Variants in SMARCB1 observed in about 807,000 individuals in gnomAD.
The protein encoded by SMARCB1 is SWI/SNF-related matrix-associated actin-dependent regulator of chromatin subfamily B member 1.
In SMARCB1, 5 loss-of-function variants were observed where a neutral mutation model predicts 49.0. The observed-to-expected ratio is 0.10, with a 90% CI of 0.05 to 0.21. The LOEUF is 0.21. SMARCB1 is among the 10% of genes least tolerant of loss of function. The pLI is 1.00. For synonymous variants in SMARCB1, 201 were observed against 200.1 expected (o/e 1.00, Z -0.04); for missense variants, 226 against 509.2 (o/e 0.44, Z 5.35).
intron 3 of SMARCB1, among the ~76,000 whole-genome samples, chr22:23,800,021 G>T (rs1005538587): frequency 2.7e-5 from 4 of 149,296 alleles, no homozygotes; most frequent in African/African-American, 5.0e-5. Context: ...TAGAGACAGG[G>T]TTTCACCATG....
intron 8 of SMARCB1, 30 bp from the exon 9 acceptor site, chr22:23,834,111 G>GACTCATTGCCCTCCCC (rs2030833563): frequency 6.4e-7 from 1 of 1,570,022 alleles, no homozygotes; most frequent in Non-Finnish European, 8.6e-7. Context: ...AGCTGGCCCC[G>GACTCATTGCCCTCCCC]ACTCATTGCC....
intron 5 of SMARCB1, among the ~76,000 whole-genome samples, chr22:23,809,429 A>C (rs1483711581): frequency 6.6e-6 from 1 of 151,788 alleles, no homozygotes; most frequent in Non-Finnish European, 1.5e-5. Flanking sequence ...GGCATGTGCC[A>C]CCATACCCGG....
At chr22:23,803,219 C>CAG in intron 4 of SMARCB1, 76 bp from the exon 5 acceptor site, 5 of 1,592,976 alleles carry the variant, frequency 3.1e-6, no homozygotes, top group Non-Finnish European at 4.3e-6. Flanking sequence ...GCCTGCTGTG[C>CAG]AGAGAGAGAG....
chr22:23,816,715 TCCA>T, intron 5 of SMARCB1, 52 bp from the exon 6 acceptor site: 1 of 1,516,510 alleles, frequency 6.6e-7, no homozygotes, highest in Non-Finnish European at 9.1e-7. Flanking sequence ...GGGAGGCCGG[TCCA>T]TGCCCAAGCA....
At chr22:23,832,941 G>A (rs979196178) in intron 7 of SMARCB1, among the ~76,000 whole-genome samples, 6 of 152,096 alleles carry the variant, frequency 3.9e-5, no homozygotes, top group South Asian at 4.1e-4. Context: ...AGTGTGGTCC[G>A]GGGATACGGC....
chr22:23,824,998 C>T lies in SMARCB1; in HGVS notation c.796-227C>T, dbSNP rs11704313. 77,442 of 595,138 alleles carry T rather than the reference C, an allele frequency of 0.13. 5,953 individuals carry two copies. Among genetic ancestry groups the T allele is most frequent in the South Asian group, 0.27 (13,749 of 50,994 alleles). 36.9% of individuals were successfully genotyped at this position (595,138 alleles called of 1,614,324 possible). A position where few individuals can be genotyped will look rare whatever the true frequency, so the allele number is the denominator to read the frequency against. ...GCCCCCGGGGTCACTTCAGGGCCTC[C>T]CGAGGGTGACTGTGCTGGGCCCTGA... On this transcript the variant is annotated intron_variant, in intron 6 of 8. Coordinates refer to ENST00000644036, the MANE Select transcript of SMARCB1 (RefSeq NM_003073.5).
In SMARCB1 at chr22:23,835,083, T is replaced by C; in HGVS notation, c.*903T>C. 5 of 1,395,702 alleles carry C rather than the reference T, an allele frequency of 3.6e-6. No individual in the cohort carries two copies. The highest frequency in any genetic ancestry group is 4.6e-6 in the Non-Finnish European group (5 of 1,077,874). The allele number at this position is 1,395,702 out of a possible 1,614,324, so 86.5% of individuals were successfully genotyped here. On this transcript the variant is annotated 3_prime_UTR_variant, in exon 9 of 9. Transcript: ENST00000644036. Reference sequence around the variant, plus strand: ...GCTGTGGCCTGGGCCAGCTCCTGCCTTACAAGCCAGCTGTGAGGAATATGG... The same window carrying C: ...GCTGTGGCCTGGGCCAGCTCCTGCCCTACAAGCCAGCTGTGAGGAATATGG...
At chr22:23,817,205 A>C in intron 6 of SMARCB1, 2 of 554,140 alleles carry the variant, frequency 3.6e-6, no homozygotes, top group Non-Finnish European at 6.5e-6. Context: ...GGTCTAGAGG[A>C]GGTGAAGGCA....
chr22:23,804,857 A>G (rs1340180115), intron 5 of SMARCB1, among the ~76,000 whole-genome samples: 1 of 152,124 alleles, frequency 6.6e-6, no homozygotes, highest in African/African-American at 2.4e-5. Context: ...TGATTTCTTT[A>G]ATCTTCAAAC....
intron 1 of SMARCB1, among the ~76,000 whole-genome samples, chr22:23,791,336 A>G (rs1455110815): frequency 6.6e-6 from 1 of 152,228 alleles, no homozygotes; most frequent in African/African-American, 2.4e-5. Context: ...ATTATCTGGC[A>G]TCTGTCTAAA....
chr22:23,822,868 C>T lies in SMARCB1; in HGVS notation c.796-2357C>T, dbSNP rs577888307. Among the ~76,000 whole-genome samples, 12 of 151,746 alleles carry T rather than the reference C, an allele frequency of 7.9e-5. No homozygotes were observed. The South Asian group carries it at 1.9e-3, about 24-fold the overall frequency. On this transcript the variant is annotated intron_variant, in intron 6 of 8. Coordinates refer to ENST00000644036, the MANE Select transcript of SMARCB1 (RefSeq NM_003073.5). The stretch of plus-strand genomic sequence containing the variant: ...CAGCCTGGACTTTCTCCCCCTCCCT[C>T]CCTTTCCTCCCTGGCACTCCCGTGC...
At chr22:23,822,957 CTTTTTTTTTTTTTTTTTTT>C (rs58056758) in intron 6 of SMARCB1, among the ~76,000 whole-genome samples, 21 of 72,684 alleles carry the variant, frequency 2.9e-4, no homozygotes, top group Non-Finnish European at 4.5e-4. Flanking sequence ...ACCAGCATAG[CTTTTTTTTTTTTTTTTTTT>C]TTTTTTTTTT....
chr22:23,804,626 C>T (rs1929380003), intron 5 of SMARCB1, among the ~76,000 whole-genome samples: 1 of 152,200 alleles, frequency 6.6e-6, no homozygotes, highest in Admixed American at 6.5e-5. Flanking sequence ...TCACTGCAAC[C>T]TCCGCCTCCT....
intron 3 of SMARCB1, among the ~76,000 whole-genome samples, chr22:23,794,823 G>A (rs1279886020): frequency 6.6e-6 from 1 of 152,090 alleles, no homozygotes; most frequent in Non-Finnish European, 1.5e-5. Flanking sequence ...GCTTGAACCC[G>A]GGAGGTGGAG....
Position 23,837,496 on chromosome 22 carries a change from G to A in SMARCB1, c.*3316G>A. ...GCAAATTATGTGGGCCGGCTGGCTT[G>A]AGGGGCTGTAAGAGCACAGCAGCTG... On this transcript the variant is annotated 3_prime_UTR_variant, in exon 9 of 9. Coordinates refer to ENST00000644036, the MANE Select transcript of SMARCB1 (RefSeq NM_003073.5). The A allele has an allele frequency of 1.3e-6, 1 of 758,394 alleles. No homozygotes were observed. The allele number at this position is 758,394 out of a possible 1,614,324, so 47.0% of individuals were successfully genotyped here.
intron 1 of SMARCB1, among the ~76,000 whole-genome samples, chr22:23,790,147 G>A (rs1187458614): frequency 6.6e-6 from 1 of 152,108 alleles, no homozygotes; most frequent in Non-Finnish European, 1.5e-5. Flanking sequence ...AAGGGGCTTT[G>A]GGGGGCATCT....
chr22:23,810,401 G>A (rs1187643914), intron 5 of SMARCB1, among the ~76,000 whole-genome samples: 6 of 151,164 alleles, frequency 4.0e-5, no homozygotes, highest in Non-Finnish European at 7.4e-5. Context: ...GGTGGCGCAC[G>A]CCTGTAGTCC....
chr22:23,793,099 A>G, intron 2 of SMARCB1: 1 of 255,066 alleles, frequency 3.9e-6, no homozygotes. Flanking sequence ...GTTTTAAAAG[A>G]AAAGTATTCT....
At chr22:23,815,192 A>T (rs1726136768) in intron 5 of SMARCB1, 1 of 152,152 alleles carries the variant, frequency 6.6e-6, no homozygotes, top group Non-Finnish European at 1.5e-5. Flanking sequence ...TGGGAATGTA[A>T]AGTGGCTGGA....
Sources: gnomAD v4.1 joint callset for allele counts (sites outside exome capture counted in the v4.1 genomes callset) on GRCh38, gnomAD v4.1.1 for gene constraint, MANE v1.5 for transcripts, NCBI Gene and HGNC (gene_info 2026-07-23, HGNC 2026-07-21) for gene names.